The following SEM1 variants were observed in gnomAD, a reference collection of about 807,000 sequenced individuals.
SEM1 encodes SEM1 26S proteasome subunit.
In SEM1, 3 loss-of-function variants were observed where a neutral mutation model predicts 12.7. The ratio of observed to expected loss-of-function variants is 0.24; its 90% CI spans 0.11 to 0.61. The LOEUF is 0.61. Ranked by LOEUF, SEM1 falls within the 20% of genes least tolerant of loss-of-function variation. The pLI, the probability that SEM1 is intolerant of heterozygous loss-of-function variation, is 0.88. For synonymous variants in SEM1, 30 were observed against 27.8 expected (o/e 1.08, Z -0.25); for missense variants, 59 against 81.3 (o/e 0.73, Z 1.06).
chr7:96,563,157 G>A (rs1055605765), intron 2 of SEM1, among the ~76,000 whole-genome samples: 1 of 152,060 alleles, frequency 6.6e-6, no homozygotes, highest in Admixed American at 6.6e-5. Context: ...GAGGTGACAT[G>A]CAAAAGGATG....
intron 2 of SEM1, among the ~76,000 whole-genome samples, chr7:96,626,356 C>T (rs954533804): frequency 2.0e-5 from 3 of 152,166 alleles, no homozygotes; most frequent in Non-Finnish European, 2.9e-5. Flanking sequence ...GACAGAATCT[C>T]ATTCTTTTTA....
rs544745826 is a variant in SEM1, at chr7:96,567,546, G to C, written c.171-60848C>G. ...TTTATAACCTCTAAAGCAATGAGAA[G>C]TAATCATTGTAATGGTGGACATCAT... On this transcript the variant is annotated intron_variant and NMD_transcript_variant, in intron 2 of 3. Coordinates refer to the SEM1 transcript ENST00000466986. Among the ~76,000 whole-genome samples, 89 of 151,376 alleles carry C rather than the reference G, an allele frequency of 5.9e-4. 1 individual carries two copies. Among genetic ancestry groups the C allele is most frequent in the African/African-American group, 1.9e-3 (79 of 41,400 alleles).
intron 2 of SEM1, among the ~76,000 whole-genome samples, chr7:96,616,170 A>G (rs980486760): frequency 6.6e-6 from 1 of 152,128 alleles, no homozygotes; most frequent in Non-Finnish European, 1.5e-5. Flanking sequence ...AGAGTACATA[A>G]GCATTCTCTT....
intron 2 of SEM1, among the ~76,000 whole-genome samples, chr7:96,604,920 CA>C (rs1807300085): frequency 1.3e-5 from 2 of 151,692 alleles, no homozygotes; most frequent in South Asian, 4.2e-4. Flanking sequence ...GACTCCGTCT[CA>C]AAAAATAAAC....
intron 2 of SEM1, among the ~76,000 whole-genome samples, chr7:96,691,681 A>C (rs1451624274): frequency 1.3e-5 from 2 of 152,242 alleles, no homozygotes; most frequent in Admixed American, 6.5e-5. Context: ...CTTTTAATCA[A>C]GACAAATTTT....
intron 3 of SEM1, among the ~76,000 whole-genome samples, chr7:96,505,413 GT>G (rs1329873419): frequency 6.6e-6 from 1 of 151,918 alleles, no homozygotes; most frequent in African/African-American, 2.4e-5. Flanking sequence ...CTTATAAGGA[GT>G]TATCTCTAAT....
chr7:96,572,736 T>G (rs1806076733), intron 2 of SEM1, among the ~76,000 whole-genome samples: 2 of 152,196 alleles, frequency 1.3e-5, no homozygotes, highest in Non-Finnish European at 1.5e-5. Flanking sequence ...TGCCACGTGG[T>G]GCTGAGAAGA....
At chr7:96,504,705 G>A (rs1018267220) in intron 3 of SEM1, among the ~76,000 whole-genome samples, 1 of 151,964 alleles carries the variant, frequency 6.6e-6, no homozygotes, top group Non-Finnish European at 1.5e-5. Flanking sequence ...TCATCATACA[G>A]TGTTCATATT....
downstream of SEM1, among the ~76,000 whole-genome samples, chr7:96,687,096 A>G (rs1386360251): frequency 6.6e-6 from 1 of 152,240 alleles, no homozygotes; most frequent in African/African-American, 2.4e-5. Flanking sequence ...ATACCATCTC[A>G]CACCAGTTAG....
chr7:96,599,513 G>T (rs979712980), intron 2 of SEM1, among the ~76,000 whole-genome samples: 3 of 152,110 alleles, frequency 2.0e-5, no homozygotes, highest in East Asian at 3.8e-4. Flanking sequence ...GATGAGACTG[G>T]TATCAGGTTG....
rs183740274 is a variant in SEM1, at chr7:96,705,455, C to T, written c.76+4233G>A. ...CTCTTCCCTCTTTTACTCGAATCCA[C>T]ATCTAATTGTCAGAGAAACTAATAA... On this transcript the variant is annotated intron_variant, in intron 1 of 2. Coordinates refer to ENST00000248566, the MANE Select transcript of SEM1 (RefSeq NM_006304.2). 3.4e-3 allele frequency among the ~76,000 whole-genome samples: 521 copies of T among 151,868 alleles called. 1 individual carries two copies. The highest frequency in any genetic ancestry group is 5.5e-3 in the Non-Finnish European group (371 of 67,974).
intron 2 of SEM1, among the ~76,000 whole-genome samples, chr7:96,588,353 AACACACACAC>A (rs56655484): frequency 0.01 from 1,479 of 141,030 alleles, 29 homozygotes; most frequent in African/African-American, 0.038. Context: ...TCTAAAAACA[AACACACACAC>A]ACACACACAC....
At chr7:96,534,005 G>A (rs902885661) in intron 2 of SEM1, among the ~76,000 whole-genome samples, 1 of 152,038 alleles carries the variant, frequency 6.6e-6, no homozygotes, top group Non-Finnish European at 1.5e-5. Context: ...AGAGGTATAC[G>A]TAAAGCACTT....
At chr7:96,626,174 A>G (rs565332158) in intron 2 of SEM1, among the ~76,000 whole-genome samples, 13 of 152,146 alleles carry the variant, frequency 8.5e-5, no homozygotes, top group Non-Finnish European at 1.6e-4. Context: ...CCAAACCCCC[A>G]TTGACCTTCT....
chr7:96,601,383 G>T (rs528091859), intron 2 of SEM1, among the ~76,000 whole-genome samples: 2 of 152,144 alleles, frequency 1.3e-5, no homozygotes, highest in Non-Finnish European at 2.9e-5. Context: ...GGATGGGGTG[G>T]GCTATGGGAT....
In SEM1 at chr7:96,488,033, G is replaced by A. The variant is rs933530792; in HGVS notation, c.13-1616C>T. Among the ~76,000 whole-genome samples, 3 of 140,034 alleles carry A rather than the reference G, an allele frequency of 2.1e-5. No homozygotes were observed. The South Asian group carries it at 6.2e-4, about 29-fold the overall frequency. 91.9% of individuals were successfully genotyped at this position (140,034 alleles called of 152,430 possible). A position where few individuals can be genotyped will look rare whatever the true frequency, so the allele number is the denominator to read the frequency against. On this transcript the variant is annotated intron_variant, in intron 1 of 3. Transcript: ENST00000356686. ...GTAAGAAGATATCCGTACTCATGTG[G>A]GTTAAAATATTACTTTATCTAGTAA...
At position 96,664,140 on chromosome 7, in the gene SEM1, T is replaced by C. The variant is rs189254723; in HGVS notation, c.170+30658A>G. The C allele has an allele frequency of 2.0e-5, 3 of 152,356 alleles. No homozygotes were observed. In the East Asian group the frequency reaches 5.8e-4, roughly 29 times the overall value. 9.4% of individuals were successfully genotyped at this position (152,356 alleles called of 1,614,324 possible). A position where few individuals can be genotyped will look rare whatever the true frequency, so the allele number is the denominator to read the frequency against. On this transcript the variant is annotated intron_variant, in intron 2 of 2. Coordinates refer to the SEM1 transcript ENST00000417009. ...TAGTTATATATCTGTTTGCTTTCTATTGCTGCCATAACAAATTACCACAAA... is the reference window on the plus strand; with the variant it reads ...TAGTTATATATCTGTTTGCTTTCTACTGCTGCCATAACAAATTACCACAAA...
At chr7:96,500,191 G>A (rs1409780926), upstream of SEM1, among the ~76,000 whole-genome samples, 2 of 151,830 alleles carry the variant, frequency 1.3e-5, no homozygotes, top group East Asian at 1.9e-4. Context: ...AAAAGAGAGA[G>A]GTGAAGCCAC....
intron 2 of SEM1, among the ~76,000 whole-genome samples, chr7:96,681,909 C>T (rs1488831823): frequency 6.6e-6 from 1 of 151,940 alleles, no homozygotes; most frequent in Non-Finnish European, 1.5e-5. Flanking sequence ...TAGGTTTTTC[C>T]AATTCTATGA....
Sources: gnomAD v4.1 joint callset for allele counts (sites outside exome capture counted in the v4.1 genomes callset) on GRCh38, gnomAD v4.1.1 for gene constraint, MANE v1.5 for transcripts, NCBI Gene and HGNC (gene_info 2026-07-23, HGNC 2026-07-21) for gene names.